Variants in OPRL1 observed in about 807,000 individuals in gnomAD.
The protein encoded by OPRL1 is opioid related nociceptin receptor 1.
Under a neutral mutation model 15.5 loss-of-function variants are expected in OPRL1, and 5 were observed. The observed-to-expected ratio is 0.32, with a 90% confidence interval of 0.17 to 0.68. The LOEUF is 0.68. Among genes scored for constraint, OPRL1 ranks in the 30% least tolerant of loss-of-function variants. The probability of loss-of-function intolerance (pLI) is 0.72; values close to 1 mark genes in which losing one functional copy is unlikely to be tolerated. For synonymous variants in OPRL1, 223 were observed against 230.2 expected, an observed-to-expected ratio of 0.97 and a Z score of 0.28; for missense variants, 406 against 515.3, an observed-to-expected ratio of 0.79 and a Z score of 2.05.
chr20:64,082,608 G>A (rs1357886155), intron 1 of OPRL1, among the ~76,000 whole-genome samples: 3 of 152,214 alleles, frequency 2.0e-5, no homozygotes, highest in Non-Finnish European at 4.4e-5. Flanking sequence ...CTGGGCAGGG[G>A]GCTGGGAGGG....
At position 64,096,643 on chromosome 20, in the gene OPRL1, C is replaced by T. The variant is rs539836310; in HGVS notation, c.234-1159C>T. On this transcript the variant is annotated intron_variant, in intron 3 of 4. Transcript: ENST00000336866. ...TTTCCTCACGGCAGCTACACTGACACAGAATAGTGTCATCTTGGGTGCTGC... is the reference window on the plus strand; with the variant it reads ...TTTCCTCACGGCAGCTACACTGACATAGAATAGTGTCATCTTGGGTGCTGC... 2.8e-4 allele frequency among the ~76,000 whole-genome samples: 43 copies of T among 152,170 alleles called. No homozygotes were observed. In the South Asian group the frequency reaches 8.7e-3, roughly 31 times the overall value.
rs1278360912 is a variant in OPRL1 at position 64,083,837 on chromosome 20, A to C, written c.-185+3485A>C. ...CCTCACCCGCATGCGGGTGTAGCGCAGCCGCAGGGCGCGGACTCGCCCGCG... is the reference window on the plus strand; with the variant it reads ...CCTCACCCGCATGCGGGTGTAGCGCCGCCGCAGGGCGCGGACTCGCCCGCG... On this transcript the variant is annotated intron_variant, in intron 1 of 4. Transcript: ENST00000336866. The surrounding 1 kb of genome is among the most constrained non-coding windows in gnomAD (Gnocchi z 4.9). 7 of 1,391,186 alleles carry C rather than the reference A, an allele frequency of 5.0e-6. No individual in the cohort carries two copies. The highest frequency in any genetic ancestry group is 1.5e-5 in the African/African-American group (1 of 65,660). The allele number at this position is 1,391,186 out of a possible 1,614,324, so 86.2% of individuals were successfully genotyped here.
chr20:64,089,588 C>T lies in OPRL1; in HGVS notation c.-184-2378C>T. 6.6e-6 allele frequency among the ~76,000 whole-genome samples: 1 copy of T among 152,176 alleles called. No homozygotes were observed. Among genetic ancestry groups the T allele is most frequent in the East Asian group, 1.9e-4 (1 of 5,194 alleles). On this transcript the variant is annotated intron_variant, in intron 1 of 4. Transcript: ENST00000336866. This position sits in a 1 kb window ranked among gnomAD's most constrained non-coding sequence, Gnocchi z 5.5. ...CTCCTTTCCCTTTCCTCCTCCTCCCCATCCCAACCCCTCATCCTCCCTGTC... is the reference window on the plus strand; with the variant it reads ...CTCCTTTCCCTTTCCTCCTCCTCCCTATCCCAACCCCTCATCCTCCCTGTC...
In OPRL1 at chr20:64,089,170, G is replaced by A. The variant is rs927149802; in HGVS notation, c.-184-2796G>A. ...ACAAGGGAGGGAGAAGCTGTCCTGGGTTCTATGGTTATGAACATGTCAGGG... is the reference window on the plus strand; with the variant it reads ...ACAAGGGAGGGAGAAGCTGTCCTGGATTCTATGGTTATGAACATGTCAGGG... On this transcript the variant is annotated intron_variant, in intron 1 of 4. Transcript: ENST00000336866. The surrounding 1 kb of genome is among the most constrained non-coding windows in gnomAD (Gnocchi z 5.5). 6.6e-6 allele frequency among the ~76,000 whole-genome samples: 1 copy of A among 152,130 alleles called. No individual in the cohort carries two copies. The highest frequency in any genetic ancestry group is 2.4e-5 in the African/African-American group (1 of 41,404).
chr20:64,088,794 T>A (rs945215115), intron 1 of OPRL1, among the ~76,000 whole-genome samples: 18 of 124,598 alleles, frequency 1.4e-4, no homozygotes, highest in Middle Eastern at 5.3e-3. Context: ...CTGTGCAGAG[T>A]GGCCAGGATC....
At chr20:64,096,861 T>TCATC (rs1979198028) in intron 3 of OPRL1, among the ~76,000 whole-genome samples, 5 of 70,006 alleles carry the variant, frequency 7.1e-5, no homozygotes, top group East Asian at 6.9e-4. Context: ...CCATCACCAC[T>TCATC]ATCACCACCA....
In OPRL1 at chr20:64,099,469, G is replaced by C. The variant is rs565791365; in HGVS notation, c.*670G>C. On this transcript the variant is annotated 3_prime_UTR_variant, in exon 5 of 5. Transcript: ENST00000336866. ...GAAAGTGTCCAGGTGGGGGCTGGCA[G>C]TCCCTGGCTGCAGACCCCGAGCTGG... 1 of 152,656 alleles carries C rather than the reference G, an allele frequency of 6.6e-6. No individual in the cohort carries two copies. The highest frequency in any genetic ancestry group is 6.5e-5 in the Admixed American group (1 of 15,322). 9.5% of individuals were successfully genotyped at this position (152,656 alleles called of 1,614,324 possible). A position where few individuals can be genotyped will look rare whatever the true frequency, so the allele number is the denominator to read the frequency against.
chr20:64,088,697 G>A (rs1376769553), intron 1 of OPRL1, among the ~76,000 whole-genome samples: 7 of 118,238 alleles, frequency 5.9e-5, no homozygotes, highest in East Asian at 2.7e-4. Flanking sequence ...TGTGCAGGGA[G>A]GCCAGGGTCT....
chr20:64,096,397 G>A (rs1346624985), intron 3 of OPRL1, among the ~76,000 whole-genome samples: 1 of 151,988 alleles, frequency 6.6e-6, no homozygotes, highest in African/African-American at 2.4e-5. Context: ...CAGCTCTAAG[G>A]CCTTAAAAAA....
Position 64,083,840 on chromosome 20 carries a change from C to A in OPRL1, c.-185+3488C>A, listed in dbSNP as rs747774749. ...CACCCGCATGCGGGTGTAGCGCAGC[C>A]GCAGGGCGCGGACTCGCCCGCGGGC... is the stretch of plus-strand genomic sequence containing the variant. On this transcript the variant is annotated intron_variant, in intron 1 of 4. Coordinates refer to ENST00000336866, the MANE Select transcript of OPRL1 (RefSeq NM_182647.4). This position sits in a 1 kb window ranked among gnomAD's most constrained non-coding sequence, Gnocchi z 4.9. 1.0e-5 allele frequency: 14 copies of A among 1,395,502 alleles called. No homozygotes were observed. The South Asian group carries it at 2.0e-4, about 20-fold the overall frequency. The allele number at this position is 1,395,502 out of a possible 1,614,324, so 86.4% of individuals were successfully genotyped here.
intron 1 of OPRL1, among the ~76,000 whole-genome samples, chr20:64,087,625 C>T (rs868350559): frequency 6.9e-6 from 1 of 145,942 alleles, no homozygotes; most frequent in Non-Finnish European, 1.5e-5. Flanking sequence ...AGTATCCTCG[C>T]ACACAAGCTC....
rs146923933 is a variant in OPRL1 at position 64,092,822 on chromosome 20, G to T, written c.102G>T (p.Pro34=). The part of the protein sequence containing the change: ...LLSPNHSLLP[P]HLLLNASHGA... ...GCCCCAACCACAGTCTGCTGCCCCC[G>T]CATCTGCTGCTCAATGCCAGCCACG... The change falls in exon 3 of 5, where the codon CCG becomes CCT. Residue 34 remains proline, a synonymous_variant. Transcript: ENST00000336866. 1.2e-6 allele frequency: 2 copies of T among 1,612,726 alleles called. No homozygotes were observed. The highest frequency in any genetic ancestry group is 8.5e-7 in the Non-Finnish European group (1 of 1,179,942).
intron 1 of OPRL1, chr20:64,085,081 G>C (rs2060029851): frequency 6.6e-6 from 1 of 152,252 alleles, no homozygotes; most frequent in Non-Finnish European, 1.5e-5. Context: ...GTTAGAGTCT[G>C]GGCGTGGACG....
In OPRL1 at chr20:64,097,292, C is replaced by G. The variant is rs559678952; in HGVS notation, c.234-510C>G. On this transcript the variant is annotated intron_variant, in intron 3 of 4. Transcript: ENST00000336866. The surrounding 1 kb of genome is among the most constrained non-coding windows in gnomAD (Gnocchi z 4.2). Reference sequence around the variant, plus strand: ...CTGTCCCCCCGTCACCATTTTCGGTCTCCATTGCTAGGCAGCAGTGTGGAC... The same window carrying G: ...CTGTCCCCCCGTCACCATTTTCGGTGTCCATTGCTAGGCAGCAGTGTGGAC... Among the ~76,000 whole-genome samples, 3 of 152,300 alleles carry G rather than the reference C, an allele frequency of 2.0e-5. No individual in the cohort carries two copies. The highest frequency in any genetic ancestry group is 2.1e-4 in the South Asian group (1 of 4,822).
At position 64,092,737 on chromosome 20, in the gene OPRL1, CCG is replaced by C. The variant is rs1228395710; in HGVS notation, c.21_22del (p.Pro8ValfsTer84). 1.9e-6 allele frequency: 3 copies of C among 1,612,382 alleles called. No individual in the cohort carries two copies. The highest frequency in any genetic ancestry group is 2.5e-6 in the Non-Finnish European group (3 of 1,179,812). On this transcript the variant is annotated frameshift_variant, in exon 3 of 5. Transcript: ENST00000336866. LOFTEE classifies it high-confidence loss of function. The stretch of plus-strand genomic sequence containing the variant: ...GGCAGTGGCATGGAGCCCCTCTTCC[CCG>C]CGCCGTTCTGGGAGGTTATCTACGG...
intron 1 of OPRL1, among the ~76,000 whole-genome samples, chr20:64,085,434 G>T (rs1280739736): frequency 6.6e-6 from 1 of 152,102 alleles, no homozygotes; most frequent in African/African-American, 2.4e-5. Flanking sequence ...GCTGGGTTTT[G>T]CTGAACACTG....
chr20:64,081,962 G>A (rs1051043648), intron 1 of OPRL1, among the ~76,000 whole-genome samples: 2 of 152,128 alleles, frequency 1.3e-5, no homozygotes, highest in African/African-American at 4.8e-5. Context: ...TGCTGCTGTG[G>A]GGTACTGCAC....
At chr20:64,081,665 G>A (rs1417889704) in intron 1 of OPRL1, among the ~76,000 whole-genome samples, 1 of 152,216 alleles carries the variant, frequency 6.6e-6, no homozygotes, top group Non-Finnish European at 1.5e-5. Context: ...TCTGCGCCCT[G>A]ACAGCCCTCA....
In OPRL1 at chr20:64,083,535, G is replaced by A. The variant is rs764266177; in HGVS notation, c.-185+3183G>A. 1.9e-6 allele frequency: 3 copies of A among 1,551,900 alleles called. No individual in the cohort carries two copies. The South Asian group carries it at 3.5e-5, about 18-fold the overall frequency. Reference sequence around the variant, plus strand: ...GCTGGGGTCCGGCGTGTGCGGAGGCGGGCAGGGCCCCTCCCCTTTCCCCGC... The same window carrying A: ...GCTGGGGTCCGGCGTGTGCGGAGGCAGGCAGGGCCCCTCCCCTTTCCCCGC... On this transcript the variant is annotated intron_variant, in intron 1 of 4. Transcript: ENST00000336866. The surrounding 1 kb of genome is among the most constrained non-coding windows in gnomAD (Gnocchi z 4.9).
Sources: gnomAD v4.1 joint callset for allele counts (sites outside exome capture counted in the v4.1 genomes callset) on GRCh38, gnomAD v4.1.1 for gene constraint, Gnocchi (gnomAD v3.1) non-coding constraint, MANE v1.5 for transcripts, NCBI Gene and HGNC (gene_info 2026-07-23, HGNC 2026-07-21) for gene names.